Variants in LRRC37A2 observed in about 807,000 individuals in gnomAD.
LRRC37A2 encodes the protein leucine rich repeat containing 37 member A2, also known as leucine-rich repeat-containing protein 37A2.
A neutral mutation model predicts 68.8 loss-of-function variants in LRRC37A2; 9 were observed. The observed-to-expected ratio is 0.13, with a 90% CI of 0.08 to 0.23. The LOEUF is 0.23. Ranked by LOEUF, LRRC37A2 falls within the 10% of genes least tolerant of loss-of-function variation. The pLI, the probability that LRRC37A2 is intolerant of heterozygous loss-of-function variation, is 1.00. For missense variants in LRRC37A2, 168 were observed against 950.4 expected (o/e 0.18, Z 10.82); for synonymous variants, 63 against 367.6 (o/e 0.17, Z 9.48).
chr17:46,888,479 C>T, the LRRC37A2 span, among the ~76,000 whole-genome samples: 2 of 152,136 alleles, frequency 1.3e-5, no homozygotes, highest in South Asian at 2.1e-4. Context: ...CTGATATATT[C>T]CTGGGCCTCT....
At chr17:46,771,830 G>C in the LRRC37A2 span, among the ~76,000 whole-genome samples, 201 of 141,766 alleles carry the variant, frequency 1.4e-3, 1 homozygote, top group Admixed American at 6.1e-3. Context: ...GCCGCGCGGT[G>C]GGGGGGCGGT....
the LRRC37A2 span, among the ~76,000 whole-genome samples, chr17:46,843,189 T>C: frequency 6.6e-6 from 1 of 152,246 alleles, no homozygotes; most frequent in Non-Finnish European, 1.5e-5. Context: ...GAAAATGATA[T>C]TTCAGAATCA....
At chr17:46,949,887 G>C in the LRRC37A2 span, among the ~76,000 whole-genome samples, 4 of 152,308 alleles carry the variant, frequency 2.6e-5, no homozygotes, top group Admixed American at 2.6e-4. Flanking sequence ...AGGGAAGAAA[G>C]GCTGCAGAGG....
the LRRC37A2 span, among the ~76,000 whole-genome samples, chr17:46,866,847 A>C: frequency 3.3e-5 from 5 of 152,264 alleles, no homozygotes; most frequent in Middle Eastern, 6.8e-3. Context: ...TCTCAAGCAG[A>C]AACTAGGATG....
the LRRC37A2 span, among the ~76,000 whole-genome samples, chr17:46,805,771 T>G: frequency 6.6e-6 from 1 of 151,990 alleles, no homozygotes; most frequent in African/African-American, 2.4e-5. Flanking sequence ...AAACTGAAAC[T>G]TGACAGTGAT....
the LRRC37A2 span, chr17:46,755,203 C>A: frequency 9.2e-6 from 7 of 757,280 alleles, no homozygotes; most frequent in African/African-American, 1.0e-4. Context: ...CATTCAGTGA[C>A]CTAGCAGAGC....
chr17:46,849,454 G>A, the LRRC37A2 span, among the ~76,000 whole-genome samples: 6 of 152,340 alleles, frequency 3.9e-5, no homozygotes, highest in East Asian at 9.6e-4. Context: ...CCTAGGGGGT[G>A]TGGCTGGGGC....
the LRRC37A2 span, among the ~76,000 whole-genome samples, chr17:46,945,663 C>G: frequency 1.3e-5 from 2 of 152,170 alleles, no homozygotes; most frequent in Non-Finnish European, 2.9e-5. Context: ...GATCCACATT[C>G]TTTCAACCAA....
At chr17:46,954,597 A>G in the LRRC37A2 span, among the ~76,000 whole-genome samples, 2 of 152,194 alleles carry the variant, frequency 1.3e-5, no homozygotes, top group African/African-American at 2.4e-5. Flanking sequence ...ATGACATTGA[A>G]TCTATAAATT....
At chr17:46,923,069 C>G in the LRRC37A2 span, 2 of 723,292 alleles carry the variant, frequency 2.8e-6, no homozygotes, top group Non-Finnish European at 2.5e-6. Flanking sequence ...GGCGCGCGTG[C>G]GGGCAGCCCT....
the LRRC37A2 span, chr17:46,885,309 A>G: frequency 4.8e-6 from 1 of 209,796 alleles, no homozygotes; most frequent in Non-Finnish European, 9.5e-6. Flanking sequence ...CCTGGCCAGC[A>G]TTTTTTTTTT....
chr17:46,926,467 A>G, the LRRC37A2 span, among the ~76,000 whole-genome samples: 1 of 152,230 alleles, frequency 6.6e-6, no homozygotes, highest in Non-Finnish European at 1.5e-5. Flanking sequence ...AAAGACGGCT[A>G]CAATGACCCT....
the LRRC37A2 span, among the ~76,000 whole-genome samples, chr17:46,495,659 A>G: frequency 6.6e-6 from 1 of 150,826 alleles, no homozygotes; most frequent in Non-Finnish European, 1.5e-5. Context: ...TGATGGGACT[A>G]CAGGCATGAG....
At chr17:47,000,398 CTAA>C in the LRRC37A2 span, among the ~76,000 whole-genome samples, 3 of 151,926 alleles carry the variant, frequency 2.0e-5, no homozygotes, top group African/African-American at 7.3e-5. Context: ...CCATGCCTGG[CTAA>C]TTTTTGTATT....
the LRRC37A2 span, among the ~76,000 whole-genome samples, chr17:46,819,226 C>T: frequency 6.6e-6 from 1 of 152,204 alleles, no homozygotes; most frequent in African/African-American, 2.4e-5. This position sits in a 1 kb window ranked among gnomAD's most constrained non-coding sequence, Gnocchi z 5.3. Flanking sequence ...AGTCCGCCCG[C>T]TCTCTGGCCT....
chr17:46,864,120 G>C, the LRRC37A2 span, among the ~76,000 whole-genome samples: 1 of 152,226 alleles, frequency 6.6e-6, no homozygotes, highest in Non-Finnish European at 1.5e-5. Context: ...GCCTGCCTGT[G>C]CGTGGGAAGA....
the LRRC37A2 span, among the ~76,000 whole-genome samples, chr17:46,944,781 G>A: frequency 6.6e-6 from 1 of 151,904 alleles, no homozygotes; most frequent in Non-Finnish European, 1.5e-5. Context: ...TGTATTTTTA[G>A]TAGAAACGGG....
chr17:46,779,942 A>G, the LRRC37A2 span, among the ~76,000 whole-genome samples: 1 of 152,118 alleles, frequency 6.6e-6, no homozygotes, highest in Non-Finnish European at 1.5e-5. Context: ...TATTTTCAGT[A>G]GAGACAGGGT....
chr17:46,541,459 C>A (rs1427056211), intron 8 of LRRC37A2, among the ~76,000 whole-genome samples: 1 of 149,220 alleles, frequency 6.7e-6, no homozygotes, highest in Non-Finnish European at 1.5e-5. Context: ...GCCATGTTGG[C>A]CAGGGTGGTT....
Sources: gnomAD v4.1 joint callset for allele counts (sites outside exome capture counted in the v4.1 genomes callset) on GRCh38, gnomAD v4.1.1 for gene constraint, Gnocchi (gnomAD v3.1) non-coding constraint, MANE v1.5 for transcripts, NCBI Gene and HGNC (gene_info 2026-07-23, HGNC 2026-07-21) for gene names.